GPR19: variants seen among roughly 807,000 people sequenced by gnomAD.
The protein encoded by GPR19 is probable G protein-coupled receptor 19.
Under a neutral mutation model 28.5 loss-of-function variants are expected in GPR19, and 14 were observed. The ratio of observed to expected loss-of-function variants is 0.49; its 90% CI spans 0.32 to 0.77. GPR19 has a LOEUF of 0.77. Ranked by LOEUF, GPR19 falls within the 30% of genes least tolerant of loss-of-function variation. The probability of loss-of-function intolerance (pLI) is 0.03; values close to 1 mark genes in which losing one functional copy is unlikely to be tolerated. For missense variants in GPR19, 409 were observed against 504.1 expected, an observed-to-expected ratio of 0.81 and a Z score of 1.81; for synonymous variants, 173 against 184.1, an observed-to-expected ratio of 0.94 and a Z score of 0.49.
chr12:12,675,324 A>G (rs1945915738), intron 3 of GPR19, among the ~76,000 whole-genome samples: 1 of 152,196 alleles, frequency 6.6e-6, no homozygotes, highest in Non-Finnish European at 1.5e-5. Flanking sequence ...AGGAAGGGGA[A>G]GAGAGTCTCA....
chr12:12,710,880 C>A, the GPR19 span, among the ~76,000 whole-genome samples: 1 of 152,278 alleles, frequency 6.6e-6, no homozygotes, highest in Middle Eastern at 3.4e-3. Flanking sequence ...TTCATTCTTT[C>A]TTTTCCCTGG....
chr12:12,661,975 G>A lies in GPR19; in HGVS notation c.474C>T (p.Ser158=). 6.2e-7 allele frequency: 1 copy of A among 1,613,670 alleles called. No individual in the cohort carries two copies. Among genetic ancestry groups the A allele is most frequent in the Non-Finnish European group, 8.5e-7 (1 of 1,179,870 alleles). The change falls in exon 4 of 4, where the codon TCC becomes TCT. Residue 158 remains serine, a synonymous_variant. Coordinates refer to ENST00000651487, the MANE Select transcript of GPR19 (RefSeq NM_006143.3). This position sits in a 1 kb window ranked among gnomAD's most constrained non-coding sequence, Gnocchi z 4.2. ...TPGVQIYVLL[S]ICIDRFYTIV... is the part of the protein sequence containing the mutation. ...TGGTGTAGAACCGGTCTATGCAGAT[G>A]GAGAGGAGAACGTAGATCTGGACAC... is the stretch of plus-strand genomic sequence containing the variant.
intron 3 of GPR19, among the ~76,000 whole-genome samples, chr12:12,682,698 C>T (rs138604228): frequency 9.4e-4 from 143 of 152,206 alleles, no homozygotes; most frequent in African/African-American, 3.0e-3. Flanking sequence ...TAAAGTACTG[C>T]GCAATGAAAC....
intron 3 of GPR19, among the ~76,000 whole-genome samples, chr12:12,671,892 A>T (rs1267833020): frequency 6.6e-6 from 1 of 152,214 alleles, no homozygotes; most frequent in Non-Finnish European, 1.5e-5. Flanking sequence ...TTTTATCAGT[A>T]GTGATTTCTG....
At chr12:12,675,655 C>T (rs1437642566) in intron 3 of GPR19, among the ~76,000 whole-genome samples, 1 of 152,140 alleles carries the variant, frequency 6.6e-6, no homozygotes, top group Non-Finnish European at 1.5e-5. Context: ...AATTGACATG[C>T]TATTGCAGGC....
chr12:12,710,354 C>A, the GPR19 span, among the ~76,000 whole-genome samples: 90 of 132,872 alleles, frequency 6.8e-4, no homozygotes, highest in Admixed American at 8.5e-4. Flanking sequence ...GCTCCATCTC[C>A]AAAAAAAAAA....
intron 3 of GPR19, among the ~76,000 whole-genome samples, chr12:12,663,428 CAA>C (rs59519930): frequency 2.0e-4 from 29 of 145,706 alleles, no homozygotes; most frequent in Admixed American, 8.8e-4. Flanking sequence ...GACCCTATCT[CAA>C]AAAAAAAAAA....
chr12:12,692,525 G>T (rs1000240914), intron 2 of GPR19, among the ~76,000 whole-genome samples: 1 of 151,916 alleles, frequency 6.6e-6, no homozygotes, highest in Non-Finnish European at 1.5e-5. Context: ...GAGCTACTGC[G>T]CCTGACTCAA....
Position 12,661,118 on chromosome 12 carries a change from T to C in GPR19, c.*83A>G. On this transcript the variant is annotated 3_prime_UTR_variant, in exon 4 of 4. Transcript: ENST00000651487. The surrounding 1 kb of genome is among the most constrained non-coding windows in gnomAD (Gnocchi z 4.2). ...AAAACATTTCCCTTGGAAAGTTGAGTGAAAACAAATATGTAAATAGCTTCT... is the reference window on the plus strand; with the variant it reads ...AAAACATTTCCCTTGGAAAGTTGAGCGAAAACAAATATGTAAATAGCTTCT... 1 of 957,542 alleles carries C rather than the reference T, an allele frequency of 1.0e-6. No homozygotes were observed. Among genetic ancestry groups the C allele is most frequent in the Non-Finnish European group, 1.5e-6 (1 of 660,056 alleles). 59.3% of individuals were successfully genotyped at this position (957,542 alleles called of 1,614,324 possible).
chr12:12,665,681 C>CA (rs2136319387), intron 3 of GPR19, among the ~76,000 whole-genome samples: 1 of 151,728 alleles, frequency 6.6e-6, no homozygotes, highest in Admixed American at 6.6e-5. Context: ...ACTAAAAATA[C>CA]AAAAAATTAG....
chr12:12,671,214 G>C (rs1318979453), intron 3 of GPR19, among the ~76,000 whole-genome samples: 4 of 151,522 alleles, frequency 2.6e-5, no homozygotes, highest in Non-Finnish European at 4.4e-5. Flanking sequence ...GCTGAGGCAG[G>C]AGAATTGCTT....
the GPR19 span, among the ~76,000 whole-genome samples, chr12:12,710,073 C>T: frequency 6.3e-3 from 955 of 152,292 alleles, 13 homozygotes; most frequent in African/African-American, 0.021. Flanking sequence ...CACATGCAGC[C>T]AGGTGCGGTG....
At chr12:12,668,229 A>G (rs1945809543) in intron 3 of GPR19, among the ~76,000 whole-genome samples, 1 of 152,238 alleles carries the variant, frequency 6.6e-6, no homozygotes. Flanking sequence ...AAAAATGCCT[A>G]TAAAGATGCA....
At chr12:12,674,464 G>T (rs1242825602) in intron 3 of GPR19, among the ~76,000 whole-genome samples, 2 of 151,948 alleles carry the variant, frequency 1.3e-5, no homozygotes, top group Non-Finnish European at 2.9e-5. Flanking sequence ...GAGAAAAGTA[G>T]ATGAATATTG....
chr12:12,692,328 C>T (rs1363820162), intron 2 of GPR19, among the ~76,000 whole-genome samples: 1 of 152,204 alleles, frequency 6.6e-6, no homozygotes, highest in Non-Finnish European at 1.5e-5. Context: ...GAAGTCTATT[C>T]CTCTCTTTGA....
intron 2 of GPR19, chr12:12,685,007 C>G (rs969599318): frequency 3.3e-5 from 5 of 152,162 alleles, no homozygotes; most frequent in African/African-American, 1.2e-4. Flanking sequence ...CAGCATTACA[C>G]CCTCTTCAAG....
At chr12:12,680,730 C>T (rs1946006286) in intron 3 of GPR19, among the ~76,000 whole-genome samples, 1 of 152,046 alleles carries the variant, frequency 6.6e-6, no homozygotes, top group Non-Finnish European at 1.5e-5. Flanking sequence ...GCTCTGTCAC[C>T]CAGGCTGGAG....
chr12:12,672,989 A>G (rs1240775596), intron 3 of GPR19, among the ~76,000 whole-genome samples: 4 of 152,224 alleles, frequency 2.6e-5, no homozygotes, highest in East Asian at 3.8e-4. Flanking sequence ...AAAAATGTCA[A>G]TAATTCAGAA....
At chr12:12,674,802 C>G (rs73281116) in intron 3 of GPR19, among the ~76,000 whole-genome samples, 5,984 of 152,206 alleles carry the variant, frequency 0.039, 405 homozygotes, top group African/African-American at 0.14. Context: ...CAATGGTAAA[C>G]CAAACTGTAT....
Sources: gnomAD v4.1 joint callset for allele counts (sites outside exome capture counted in the v4.1 genomes callset) on GRCh38, gnomAD v4.1.1 for gene constraint, Gnocchi (gnomAD v3.1) non-coding constraint, MANE v1.5 for transcripts, NCBI Gene and HGNC (gene_info 2026-07-23, HGNC 2026-07-21) for gene names.